MAP4: variants seen among roughly 807,000 people sequenced by gnomAD.
MAP4 encodes the protein microtubule-associated protein 4.
MAP4 carries 76 observed loss-of-function variants against 170.2 expected under a neutral mutation model. The observed-to-expected ratio is 0.45, with a 90% CI of 0.37 to 0.54. The LOEUF is 0.54. MAP4 is among the 20% of genes least tolerant of loss of function. The pLI, the probability that MAP4 is intolerant of heterozygous loss-of-function variation, is 0.00. For missense variants in MAP4, 2,506 were observed against 2,748.0 expected, an observed-to-expected ratio of 0.91 and a Z score of 1.97; for synonymous variants, 909 against 994.5, an observed-to-expected ratio of 0.91 and a Z score of 1.62.
In MAP4 at chr3:47,918,765, G is replaced by A. The variant is rs771688596; in HGVS notation, c.606C>T (p.Ser202=). 2.5e-6 allele frequency: 4 copies of A among 1,611,364 alleles called. No individual in the cohort carries two copies. The African/African-American group carries it at 4.0e-5, about 16-fold the overall frequency. ...VEALNSPHSE[S]FVSPEAVAEP... ...CTGCAACAGCCTCTGGGGAAACAAA[G>A]GACTCTGAGTGTGGAGAGTTTAAGG... The change falls in exon 6 of 21, where the codon TCC becomes TCT. Residue 202 remains serine, a synonymous_variant. Coordinates refer to ENST00000683076, the MANE Select transcript of MAP4 (RefSeq NM_001385682.1).
intron 10 of MAP4, among the ~76,000 whole-genome samples, chr3:47,893,820 T>C (rs1218880685): frequency 6.6e-5 from 10 of 152,118 alleles, no homozygotes; most frequent in Admixed American, 6.5e-4. Context: ...GATGACAGTT[T>C]TTAAACAATG....
At chr3:47,867,094 A>C in intron 17 of MAP4, 152 bp downstream of exon 17, 1 of 588,840 alleles carries the variant, frequency 1.7e-6, no homozygotes, top group Non-Finnish European at 3.0e-6. Context: ...ACATGGGAGC[A>C]TCAAGGTCCC....
chr3:47,881,006 T>C (rs547288742), intron 10 of MAP4, among the ~76,000 whole-genome samples: 1 of 152,350 alleles, frequency 6.6e-6, no homozygotes, highest in Admixed American at 6.5e-5. Context: ...CTTTGTGTAC[T>C]TCTCCTTTTA....
intron 19 of MAP4, among the ~76,000 whole-genome samples, chr3:47,854,850 C>T (rs533669099): frequency 2.6e-5 from 4 of 151,996 alleles, no homozygotes; most frequent in Non-Finnish European, 4.4e-5. Context: ...AACCCAGGAG[C>T]GGAGCCTGAC....
At chr3:47,918,464 C>A in intron 6 of MAP4, among the ~76,000 whole-genome samples, 1 of 151,562 alleles carries the variant, frequency 6.6e-6, no homozygotes. Flanking sequence ...ATACCTAATA[C>A]AATGAAAATG....
intron 3 of MAP4, among the ~76,000 whole-genome samples, chr3:47,934,635 A>G (rs1400590948): frequency 6.6e-6 from 1 of 152,068 alleles, no homozygotes; most frequent in Non-Finnish European, 1.5e-5. Context: ...GCGGCTCATA[A>G]TTTACATATT....
At chr3:48,062,821 G>A (rs1282167032) in intron 1 of MAP4, among the ~76,000 whole-genome samples, 11 of 151,526 alleles carry the variant, frequency 7.3e-5, no homozygotes, top group Middle Eastern at 3.2e-3. Flanking sequence ...CTACTCGGGA[G>A]GCTGAGGAAG....
intron 4 of MAP4, among the ~76,000 whole-genome samples, chr3:47,922,410 G>A (rs2100043453): frequency 6.6e-6 from 1 of 152,112 alleles, no homozygotes; most frequent in Non-Finnish European, 1.5e-5. Context: ...ATGTACATCA[G>A]ATAGCCAACA....
chr3:47,888,540 G>A (rs1271239594), intron 10 of MAP4, among the ~76,000 whole-genome samples: 4 of 151,938 alleles, frequency 2.6e-5, no homozygotes, highest in Non-Finnish European at 5.9e-5. Context: ...GCAAGACCAC[G>A]AACCCACCAG....
Position 47,868,778 on chromosome 3 carries a change from C to T in MAP4, c.6408+436G>A, listed in dbSNP as rs111295724. Among the ~76,000 whole-genome samples, 11 of 152,266 alleles carry T rather than the reference C, an allele frequency of 7.2e-5. No homozygotes were observed. The East Asian group carries it at 1.4e-3, about 19-fold the overall frequency. On this transcript the variant is annotated intron_variant, in intron 16 of 20. Transcript: ENST00000683076. ...ATGAAGTTATCTCCATACCCAGCAG[C>T]GTTATGAGAGGGATCTTCTACTTCA...
chr3:47,957,295 G>A (rs1381283271), intron 3 of MAP4, among the ~76,000 whole-genome samples: 2 of 151,970 alleles, frequency 1.3e-5, no homozygotes, highest in Non-Finnish European at 2.9e-5. Flanking sequence ...AGCCTCCCAA[G>A]TAGCTGGGAC....
At position 47,855,609 on chromosome 3, in the gene MAP4, C is replaced by T. The variant is rs2149883236; in HGVS notation, c.6584-249G>A. 6.6e-6 allele frequency among the ~76,000 whole-genome samples: 1 copy of T among 152,348 alleles called. No homozygotes were observed. The stretch of plus-strand genomic sequence containing the variant: ...AAGCCATCCCTTCCACCACCCCATG[C>T]CACAGCCACTGAGCTGCAGGCCAGG... On this transcript the variant is annotated intron_variant, in intron 18 of 20. Transcript: ENST00000683076. The surrounding 1 kb of genome is among the most constrained non-coding windows in gnomAD (Gnocchi z 5.1).
chr3:47,877,291 A>C, intron 11 of MAP4, 126 bp downstream of exon 11: 1 of 712,490 alleles, frequency 1.4e-6, no homozygotes, highest in African/African-American at 1.8e-5. Context: ...AAGCATGTCC[A>C]AACATGAGGA....
intron 2 of MAP4, among the ~76,000 whole-genome samples, chr3:47,982,920 C>T (rs1358804485): frequency 3.9e-5 from 6 of 152,138 alleles, no homozygotes; most frequent in African/African-American, 1.4e-4. Context: ...TTGTTTGAGA[C>T]AGAGTCTAGC....
chr3:47,933,810 C>G (rs2100051275), intron 3 of MAP4, among the ~76,000 whole-genome samples: 1 of 152,050 alleles, frequency 6.6e-6, no homozygotes, highest in Non-Finnish European at 1.5e-5. Context: ...CCATGTTGGC[C>G]AGGCTGGTCT....
intron 1 of MAP4, among the ~76,000 whole-genome samples, chr3:48,060,613 G>C (rs2100134657): frequency 6.6e-6 from 1 of 151,882 alleles, no homozygotes; most frequent in Non-Finnish European, 1.5e-5. Context: ...ACAAAGAACT[G>C]GTATCCAAAA....
chr3:47,885,263 C>T (rs949498395), intron 10 of MAP4, among the ~76,000 whole-genome samples: 3 of 152,254 alleles, frequency 2.0e-5, no homozygotes, highest in African/African-American at 7.2e-5. Flanking sequence ...GACGCAGTGG[C>T]TCATGCCTGT....
At chr3:47,908,048 G>T (rs2100034063) in intron 9 of MAP4, among the ~76,000 whole-genome samples, 1 of 151,778 alleles carries the variant, frequency 6.6e-6, no homozygotes, top group Non-Finnish European at 1.5e-5. Context: ...ACCAATTGGT[G>T]TTTTTTTTAA....
intron 3 of MAP4, among the ~76,000 whole-genome samples, chr3:47,954,395 C>T (rs2100066437): frequency 2.0e-5 from 3 of 152,174 alleles, no homozygotes; most frequent in African/African-American, 4.8e-5. Context: ...CCACCAGGAT[C>T]TTTGGCAGTA....
Sources: allele counts gnomAD v4.1 joint callset (sites outside exome capture counted in the v4.1 genomes callset), GRCh38; gene constraint gnomAD v4.1.1; non-coding constraint Gnocchi (gnomAD v3.1); transcripts MANE v1.5; gene names NCBI Gene and HGNC (gene_info 2026-07-23, HGNC 2026-07-21).